SORCS2: variants seen among roughly 807,000 people sequenced by gnomAD.
The protein encoded by SORCS2 is sortilin related VPS10 domain containing receptor 2.
Under a neutral mutation model 141.6 loss-of-function variants are expected in SORCS2, and 100 were observed. The observed-to-expected ratio is 0.71, with a 90% CI of 0.60 to 0.83. The LOEUF is 0.83. Among genes scored for constraint, SORCS2 ranks in the 40% least tolerant of loss-of-function variants. The pLI is 0.00. For synonymous variants in SORCS2, 789 were observed against 676.9 expected (o/e 1.17, Z -2.57); for missense variants, 1,646 against 1,560.2 (o/e 1.05, Z -0.93).
chr4:7,235,800 G>A lies in SORCS2; in HGVS notation c.480+42674G>A, dbSNP rs368627539. 2.5e-3 allele frequency among the ~76,000 whole-genome samples: 375 copies of A among 152,274 alleles called. 1 individual carries two copies. The highest frequency in any genetic ancestry group is 6.8e-3 in the Middle Eastern group (2 of 294). On this transcript the variant is annotated intron_variant, in intron 1 of 26. Transcript: ENST00000507866. ...GGAAGAGCAGGCGAGTGCTGGTTCC[G>A]TTTGCTGCAAAGGTGAGATGCCTCC... is the stretch of plus-strand genomic sequence containing the variant.
At chr4:7,565,069 A>C (rs1024685509) in intron 3 of SORCS2, among the ~76,000 whole-genome samples, 1 of 152,186 alleles carries the variant, frequency 6.6e-6, no homozygotes, top group Non-Finnish European at 1.5e-5. Context: ...CTCGAGCCAA[A>C]GGTGCTCAGA....
chr4:7,299,970 G>A (rs1717327839), intron 1 of SORCS2, among the ~76,000 whole-genome samples: 1 of 152,240 alleles, frequency 6.6e-6, no homozygotes, highest in Non-Finnish European at 1.5e-5. Flanking sequence ...AGCCCCTGCT[G>A]AGCTGTGACA....
At chr4:7,465,864 G>A (rs1729588064) in intron 2 of SORCS2, among the ~76,000 whole-genome samples, 1 of 152,182 alleles carries the variant, frequency 6.6e-6, no homozygotes, top group Admixed American at 6.5e-5. Flanking sequence ...AAACCATGAT[G>A]ACCCTGGGAG....
intron 4 of SORCS2, among the ~76,000 whole-genome samples, chr4:7,646,780 G>C (rs754217311): frequency 1.3e-5 from 2 of 152,214 alleles, no homozygotes; most frequent in African/African-American, 2.4e-5. Flanking sequence ...GTGAGAATCT[G>C]TTTCTGTGGT....
chr4:7,632,496 T>G (rs779542773), intron 3 of SORCS2, among the ~76,000 whole-genome samples: 3 of 152,180 alleles, frequency 2.0e-5, no homozygotes, highest in Non-Finnish European at 2.9e-5. Context: ...TCCCCCGTCT[T>G]TCCTGGCTCA....
At chr4:7,418,702 A>ACCCCC (rs67571622) in intron 2 of SORCS2, among the ~76,000 whole-genome samples, 18 of 95,648 alleles carry the variant, frequency 1.9e-4, no homozygotes, top group East Asian at 9.6e-4. Flanking sequence ...GTAACAAATG[A>ACCCCC]CCCCCCCCCC....
At chr4:7,661,458 G>C in intron 5 of SORCS2, 42 bp from the exon 6 acceptor site, 2 of 1,547,198 alleles carry the variant, frequency 1.3e-6, no homozygotes, top group Non-Finnish European at 1.7e-6. Context: ...GACGGGCATG[G>C]TGACTCCATT....
At chr4:7,510,093 G>A (rs1577676014) in intron 2 of SORCS2, among the ~76,000 whole-genome samples, 1 of 152,362 alleles carries the variant, frequency 6.6e-6, no homozygotes, top group East Asian at 1.9e-4. Context: ...GAATGGACTC[G>A]ATGATTGGAG....
At chr4:7,331,056 T>C (rs1017602645) in intron 1 of SORCS2, among the ~76,000 whole-genome samples, 3 of 150,964 alleles carry the variant, frequency 2.0e-5, no homozygotes, top group African/African-American at 7.3e-5. Context: ...AGCAGAGGCC[T>C]GAGGGAGTCT....
At chr4:7,704,470 C>T (rs1469704756) in intron 14 of SORCS2, among the ~76,000 whole-genome samples, 186 bp downstream of exon 14, 2 of 152,242 alleles carry the variant, frequency 1.3e-5, no homozygotes, top group Non-Finnish European at 1.5e-5. Context: ...GGCCACGGCA[C>T]CTCTTGAGCC....
intron 1 of SORCS2, among the ~76,000 whole-genome samples, chr4:7,392,547 T>C (rs1355008671): frequency 6.6e-6 from 1 of 152,148 alleles, no homozygotes; most frequent in Admixed American, 6.5e-5. Context: ...GAGTCCCCAC[T>C]GTCATGGAGC....
At chr4:7,674,252 CCT>C (rs1722966081) in intron 8 of SORCS2, among the ~76,000 whole-genome samples, 1 of 152,016 alleles carries the variant, frequency 6.6e-6, no homozygotes, top group African/African-American at 2.4e-5. Context: ...ACTGTGGGGT[CCT>C]CTCTGCCTGT....
At chr4:7,303,535 G>GTT (rs1270932256) in intron 1 of SORCS2, among the ~76,000 whole-genome samples, 1 of 152,184 alleles carries the variant, frequency 6.6e-6, no homozygotes, top group African/African-American at 2.4e-5. Context: ...TTCTTTCAGT[G>GTT]TTTTTATCTA....
At chr4:7,217,503 A>G (rs1728433878) in intron 1 of SORCS2, among the ~76,000 whole-genome samples, 1 of 152,158 alleles carries the variant, frequency 6.6e-6, no homozygotes, top group Non-Finnish European at 1.5e-5. Flanking sequence ...ACATGCTTTT[A>G]CTTAGGATGA....
At chr4:7,254,865 G>T (rs1417802782) in intron 1 of SORCS2, among the ~76,000 whole-genome samples, 5 of 152,078 alleles carry the variant, frequency 3.3e-5, no homozygotes, top group Non-Finnish European at 7.3e-5. Context: ...AGCCCCCGGG[G>T]ACCTGTCAGA....
chr4:7,610,007 A>G (rs1365869815), intron 3 of SORCS2, among the ~76,000 whole-genome samples: 1 of 152,190 alleles, frequency 6.6e-6, no homozygotes, highest in Non-Finnish European at 1.5e-5. Flanking sequence ...AATCATCCAC[A>G]GGCCAGTTTT....
In SORCS2 at chr4:7,740,991, C is replaced by G. The variant is rs1414143697; in HGVS notation, c.*727C>G. The G allele has an allele frequency of 5.0e-6, 2 of 398,380 alleles. No individual in the cohort carries two copies. Among genetic ancestry groups the G allele is most frequent in the African/African-American group, 4.1e-5 (2 of 48,594 alleles). The allele number at this position is 398,380 out of a possible 1,614,324, so 24.7% of individuals were successfully genotyped here. ...AGAGGGGCAGCAGCTCTCCCTGGTT[C>G]TCCCCAGGGCAGACGGGGTAGGGCG... On this transcript the variant is annotated 3_prime_UTR_variant, in exon 27 of 27. Coordinates refer to ENST00000507866, the MANE Select transcript of SORCS2 (RefSeq NM_020777.3).
At chr4:7,374,111 C>G (rs955855021) in intron 1 of SORCS2, among the ~76,000 whole-genome samples, 2 of 35,848 alleles carry the variant, frequency 5.6e-5, no homozygotes, top group Non-Finnish European at 1.1e-4. Flanking sequence ...GATTGAGATT[C>G]TTTCTTTCTT....
intron 19 of SORCS2, among the ~76,000 whole-genome samples, chr4:7,724,522 A>C (rs1356507482): frequency 5.4e-5 from 5 of 92,190 alleles, no homozygotes; most frequent in Non-Finnish European, 1.1e-4. Context: ...GATGGTGGTG[A>C]TAGGGTGGTG....
Sources: allele counts gnomAD v4.1 joint callset (sites outside exome capture counted in the v4.1 genomes callset), GRCh38; gene constraint gnomAD v4.1.1; transcripts MANE v1.5; gene names NCBI Gene and HGNC (gene_info 2026-07-23, HGNC 2026-07-21).